The following PTPRT variants were observed in gnomAD, a reference collection of about 807,000 sequenced individuals.
PTPRT encodes the protein protein tyrosine phosphatase receptor type T, also known as receptor-type tyrosine-protein phosphatase T.
PTPRT carries 56 observed loss-of-function variants against 176.8 expected under a neutral mutation model. The ratio of observed to expected loss-of-function variants is 0.32; its 90% CI spans 0.26 to 0.40. The LOEUF (loss-of-function observed/expected upper bound fraction) is 0.40. Among genes scored for constraint, PTPRT ranks in the 10% least tolerant of loss-of-function variants. The pLI, the probability that PTPRT is intolerant of heterozygous loss-of-function variation, is 1.00. For synonymous variants in PTPRT, 783 were observed against 739.0 expected (o/e 1.06, Z -0.96); for missense variants, 1,540 against 1,908.2 (o/e 0.81, Z 3.60).
At chr20:43,165,253 G>T (rs2014825797) in intron 1 of PTPRT, among the ~76,000 whole-genome samples, 1 of 151,792 alleles carries the variant, frequency 6.6e-6, no homozygotes, top group Admixed American at 6.6e-5. Context: ...CCACCTCCTG[G>T]GTTCAAGTGA....
At chr20:42,476,369 C>T (rs2071289458) in intron 7 of PTPRT, among the ~76,000 whole-genome samples, 1 of 152,088 alleles carries the variant, frequency 6.6e-6, no homozygotes, top group Non-Finnish European at 1.5e-5. Flanking sequence ...ATGATCACTC[C>T]CCAGGTGATT....
intron 27 of PTPRT, among the ~76,000 whole-genome samples, chr20:42,089,200 A>G (rs1177098162): frequency 6.6e-6 from 1 of 152,134 alleles, no homozygotes; most frequent in Non-Finnish European, 1.5e-5. Context: ...CAATGATGAC[A>G]AATCCACAAT....
chr20:42,252,217 G>T (rs2056561008), intron 13 of PTPRT, among the ~76,000 whole-genome samples: 1 of 152,174 alleles, frequency 6.6e-6, no homozygotes, highest in Non-Finnish European at 1.5e-5. Flanking sequence ...AATGGAAAAA[G>T]AATAGCTTTA....
At chr20:43,109,700 T>C (rs1418739105) in intron 1 of PTPRT, among the ~76,000 whole-genome samples, 1 of 151,844 alleles carries the variant, frequency 6.6e-6, no homozygotes, top group Non-Finnish European at 1.5e-5. Flanking sequence ...TAAGCCAATA[T>C]AGAAAAATAT....
chr20:42,678,310 T>C (rs753562576), intron 6 of PTPRT, 151 bp from the exon 7 acceptor site: 1 of 799,198 alleles, frequency 1.3e-6, no homozygotes, highest in Non-Finnish European at 1.8e-6. Context: ...ATTTTTATTT[T>C]ATATTTTTGA....
chr20:43,170,153 G>C (rs76273306), intron 1 of PTPRT, among the ~76,000 whole-genome samples: 1 of 149,994 alleles, frequency 6.7e-6, no homozygotes, highest in African/African-American at 2.5e-5. Flanking sequence ...AATTTCCCCC[G>C]TATATATACT....
intron 6 of PTPRT, 67 bp from the exon 7 acceptor site, chr20:42,678,226 TGAC>T (rs1390590411): frequency 1.0e-4 from 152 of 1,466,994 alleles, no homozygotes; most frequent in Admixed American, 3.9e-5. Context: ...TACAAGCACA[TGAC>T]GACAAGGGAC....
chr20:42,350,227 T>TTTGTTTTG (rs1568799472), intron 11 of PTPRT, among the ~76,000 whole-genome samples: 2 of 115,232 alleles, frequency 1.7e-5, no homozygotes, highest in Non-Finnish European at 3.5e-5. Context: ...TTTTTTTTTT[T>TTTGTTTTG]TTTTTTTTTT....
Position 42,133,606 on chromosome 20 carries a change from A to G in PTPRT, c.2771-4776T>C, listed in dbSNP as rs79478537. Among the ~76,000 whole-genome samples the G allele has an allele frequency of 8.5e-5, 13 of 152,348 alleles. No individual in the cohort carries two copies. The East Asian group carries it at 2.5e-3, about 29-fold the overall frequency. Reference sequence around the variant, plus strand: ...GTGAAACTATTCTATACAATAGTGCAATAGTAGATATATGTCATTGTACAT... The same window carrying G: ...GTGAAACTATTCTATACAATAGTGCGATAGTAGATATATGTCATTGTACAT... On this transcript the variant is annotated intron_variant, in intron 18 of 30. Transcript: ENST00000373187.
intron 16 of PTPRT, among the ~76,000 whole-genome samples, chr20:42,163,312 G>A (rs1019448536): frequency 2.6e-5 from 4 of 152,066 alleles, no homozygotes; most frequent in African/African-American, 7.2e-5. Context: ...AATAACCCCT[G>A]GACTGCTTAC....
chr20:42,255,103 A>T lies in PTPRT; in HGVS notation c.2177-6281T>A, dbSNP rs1195647344. On this transcript the variant is annotated intron_variant, in intron 13 of 30. Coordinates refer to ENST00000373187, the MANE Select transcript of PTPRT (RefSeq NM_007050.6). ...ACATCCTGTGCTCCCCACAAAGCAG[A>T]AGGGACGACAAGACTTCTTATGCCC... is the stretch of plus-strand genomic sequence containing the variant. 2.0e-5 allele frequency among the ~76,000 whole-genome samples: 3 copies of T among 152,100 alleles called. No homozygotes were observed. In the East Asian group the frequency reaches 5.8e-4, roughly 29 times the overall value.
intron 18 of PTPRT, among the ~76,000 whole-genome samples, chr20:42,136,382 T>C (rs1385129194): frequency 6.6e-6 from 1 of 152,132 alleles, no homozygotes; most frequent in East Asian, 1.9e-4. Context: ...GTAATTCTGC[T>C]GAGACTGCCT....
At chr20:42,117,031 G>A (rs1398883215) in intron 21 of PTPRT, among the ~76,000 whole-genome samples, 1 of 152,180 alleles carries the variant, frequency 6.6e-6, no homozygotes, top group African/African-American at 2.4e-5. Context: ...ACTGGAATCA[G>A]AGTCCAGCGT....
At chr20:43,086,756 C>A (rs768351324) in intron 1 of PTPRT, among the ~76,000 whole-genome samples, 1 of 152,134 alleles carries the variant, frequency 6.6e-6, no homozygotes, top group Non-Finnish European at 1.5e-5. Context: ...TGAATAAAAC[C>A]TAGCAGGCTT....
intron 5 of PTPRT, among the ~76,000 whole-genome samples, chr20:42,762,828 TTA>T (rs568533716): frequency 1.5e-4 from 23 of 152,364 alleles, no homozygotes; most frequent in Non-Finnish European, 2.9e-4. Flanking sequence ...CATTTTATGT[TTA>T]TGTTTCTCTG....
At chr20:42,162,367 A>C (rs1347261117) in intron 16 of PTPRT, among the ~76,000 whole-genome samples, 1 of 152,108 alleles carries the variant, frequency 6.6e-6, no homozygotes, top group Non-Finnish European at 1.5e-5. Context: ...AAACCTTTTC[A>C]TCCAATGAGT....
At chr20:43,163,422 A>C (rs1001036673) in intron 1 of PTPRT, among the ~76,000 whole-genome samples, 2 of 152,122 alleles carry the variant, frequency 1.3e-5, no homozygotes, top group East Asian at 3.9e-4. Flanking sequence ...GCAAATCACG[A>C]GGTCACGAGA....
intron 1 of PTPRT, among the ~76,000 whole-genome samples, chr20:42,957,758 T>G (rs1161712051): frequency 1.3e-5 from 2 of 152,164 alleles, no homozygotes; most frequent in Non-Finnish European, 2.9e-5. Context: ...AAACTCAGAT[T>G]TAATTTTCTT....
intron 9 of PTPRT, among the ~76,000 whole-genome samples, chr20:42,368,739 A>G (rs1378565538): frequency 6.6e-6 from 1 of 152,188 alleles, no homozygotes; most frequent in Non-Finnish European, 1.5e-5. Flanking sequence ...AAATATCAAA[A>G]TTTGCATGAA....
Sources: allele counts gnomAD v4.1 joint callset (sites outside exome capture counted in the v4.1 genomes callset), GRCh38; gene constraint gnomAD v4.1.1; transcripts MANE v1.5; gene names NCBI Gene and HGNC (gene_info 2026-07-23, HGNC 2026-07-21).